Variants in ZNF182 observed in about 807,000 individuals in gnomAD.
ZNF182 encodes zinc finger protein 21 (KOX 14).
A neutral mutation model predicts 28.1 loss-of-function variants in ZNF182; 10 were observed. That is an observed-to-expected ratio of 0.36 (90% CI 0.22 to 0.60). The LOEUF (loss-of-function observed/expected upper bound fraction) is 0.60, where lower values mean the gene tolerates loss of function less well. Among genes scored for constraint, ZNF182 ranks in the 20% least tolerant of loss-of-function variants. ZNF182 has a pLI of 0.75. For synonymous variants in ZNF182, 156 were observed against 158.7 expected, an observed-to-expected ratio of 0.98 and a Z score of 0.13; for missense variants, 352 against 453.2, an observed-to-expected ratio of 0.78 and a Z score of 2.03.
At chrX:47,982,803 G>A (rs1273145286) in intron 5 of ZNF182, 146 bp downstream of exon 5, 1 of 490,352 alleles carries the variant, frequency 2.0e-6, no homozygotes, top group Non-Finnish European at 3.4e-6. Context: ...TTTTGTGTCT[G>A]AGGTGTTCAT....
intron 3 of ZNF182, among the ~76,000 whole-genome samples, chrX:47,991,664 C>A (rs1193988796): frequency 9.0e-6 from 1 of 111,402 alleles, no homozygotes; most frequent in Non-Finnish European, 1.9e-5. Flanking sequence ...AACTATAAAC[C>A]CTGAAAGTGA....
chrX:47,991,212 CCTCT>C (rs782252769), intron 3 of ZNF182, among the ~76,000 whole-genome samples: 1 of 108,922 alleles, frequency 9.2e-6, no homozygotes, highest in Non-Finnish European at 1.9e-5. Flanking sequence ...ACCAGAGGTC[CCTCT>C]CTCTCTCTCT....
intron 5 of ZNF182, among the ~76,000 whole-genome samples, chrX:47,981,233 C>A (rs1232691027): frequency 8.9e-6 from 1 of 111,743 alleles, no homozygotes; most frequent in African/African-American, 3.3e-5. Flanking sequence ...GAAGAAATCA[C>A]CAATTCTAGG....
chrX:47,995,088 T>C (rs1556900929), intron 3 of ZNF182, among the ~76,000 whole-genome samples: 2 of 109,106 alleles, frequency 1.8e-5, no homozygotes, highest in Non-Finnish European at 1.9e-5. Context: ...TCCCAGCACT[T>C]TGGGAGGCTG....
Position 47,977,618 on chromosome X carries a change from G to A in ZNF182, c.412C>T (p.Pro138Ser). The A allele has an allele frequency of 8.3e-7, 1 of 1,209,787 alleles. No homozygotes were observed. The change falls in exon 6 of 6, where the codon CCC becomes TCC. Residue 138 changes from proline (P) to serine (S), a missense_variant. By Grantham distance (74) the Pro-to-Ser change is moderately conservative. Transcript: ENST00000376943. ...TTTCCAAATGATTCGTGTTTATCGGGTCTTTGTATTGAAGCAACAAGGTTT... is the reference window on the plus strand; with the variant it reads ...TTTCCAAATGATTCGTGTTTATCGGATCTTTGTATTGAAGCAACAAGGTTT... ...STNLVASIQRPDKHESFGNNM... is the reference protein window; with the variant it reads ...STNLVASIQRSDKHESFGNNM...
At chrX:47,986,786 A>G (rs1214901270) in intron 3 of ZNF182, among the ~76,000 whole-genome samples, 3 of 111,767 alleles carry the variant, frequency 2.7e-5, no homozygotes, top group Non-Finnish European at 3.8e-5. Context: ...CGGGCAGAAG[A>G]AGGTAGGAGG....
At position 47,983,228 on chromosome X, in the gene ZNF182, C is replaced by T. The variant is rs1022474963; in HGVS notation, c.142+57G>A. 16 of 1,198,980 alleles carry T rather than the reference C, an allele frequency of 1.3e-5. No homozygotes were observed. The East Asian group carries it at 3.0e-4, about 22-fold the overall frequency. ...AAGAGGGAACTGAGAAAGGAAATGC[C>T]TTCCATTGGATGCAATAATCATAAA... On this transcript the variant is annotated intron_variant, in intron 4 of 5. Transcript: ENST00000376943.
chrX:47,996,132 AT>A (rs2058957763), intron 3 of ZNF182, among the ~76,000 whole-genome samples: 1 of 112,477 alleles, frequency 8.9e-6, no homozygotes, highest in African/African-American at 3.2e-5. Flanking sequence ...TTTAAAATAC[AT>A]TTGACAGTTG....
intron 3 of ZNF182, among the ~76,000 whole-genome samples, chrX:48,001,546 G>A (rs1464333855): frequency 1.8e-5 from 2 of 111,839 alleles, no homozygotes; most frequent in African/African-American, 6.5e-5. Context: ...GGGTATGGGG[G>A]AGGAAGGGCA....
chrX:47,977,312 C>T lies in ZNF182; in HGVS notation c.718G>A (p.Glu240Lys), dbSNP rs1556898381. 8.3e-7 allele frequency: 1 copy of T among 1,209,296 alleles called. No individual in the cohort carries two copies. The highest frequency in any genetic ancestry group is 3.0e-5 in the East Asian group (1 of 33,796). Residue 240 changes from glutamate (E) to lysine (K), a missense_variant, in exon 6 of 6, where the codon GAG becomes AAG. Glu to Lys is a moderately conservative substitution (Grantham distance 56). Coordinates refer to ENST00000376943, the MANE Select transcript of ZNF182 (RefSeq NM_001007088.2). ...LIVHWRTHTGEKPFGCTECGK... is the reference protein window; with the variant it reads ...LIVHWRTHTGKKPFGCTECGK... The stretch of plus-strand genomic sequence containing the variant: ...CATTCGGTACATCCAAAAGGTTTCT[C>T]TCCCGTATGAGTTCTCCAATGTACA...
At position 48,002,673 on chromosome X, in the gene ZNF182, G is replaced by A. The variant is rs1471899318; in HGVS notation, c.-44-20C>T. ...GCCGAGCTGGAACAAGTGGAGAAGA[G>A]TACAGCAGATGAGGAGACCCCATCA... On this transcript the variant is annotated intron_variant, in intron 2 of 5. Transcript: ENST00000376943. The A allele has an allele frequency of 3.4e-6, 4 of 1,183,089 alleles. No individual in the cohort carries two copies. The highest frequency in any genetic ancestry group is 3.5e-5 in the African/African-American group (2 of 57,301).
At chrX:48,002,487 AT>A (rs1556902011) in intron 3 of ZNF182, 107 bp downstream of exon 3, 2 of 1,098,952 alleles carry the variant, frequency 1.8e-6, no homozygotes, top group Admixed American at 5.0e-5. Context: ...ATTTTGCCTG[AT>A]CCAATCCTTA....
chrX:47,976,383 T>C lies in ZNF182; in HGVS notation c.1647A>G (p.Lys549=). 1 of 1,210,722 alleles carries C rather than the reference T, an allele frequency of 8.3e-7. No individual in the cohort carries two copies. Among genetic ancestry groups the C allele is most frequent in the Non-Finnish European group, 1.1e-6 (1 of 895,210 alleles). Residue 549 remains lysine, a synonymous_variant, in exon 6 of 6, where the codon AAA becomes AAG. Transcript: ENST00000376943. ...TGCCACACTCAGTGCATGCATAGGG[T>C]TTCTCTCCCGTGTGCGTTCTCTGAT... The part of the protein sequence containing the change: ...IIHQRTHTGE[K]PYACTECGKA...
At chrX:48,002,889 AT>A (rs2146478039) in intron 2 of ZNF182, among the ~76,000 whole-genome samples, 1 of 112,592 alleles carries the variant, frequency 8.9e-6, no homozygotes, top group South Asian at 3.6e-4. Flanking sequence ...CATAAAGTGT[AT>A]TTGTAGGTAT....
intron 5 of ZNF182, among the ~76,000 whole-genome samples, chrX:47,982,493 T>G (rs1395466741): frequency 3.6e-5 from 4 of 112,308 alleles, no homozygotes; most frequent in African/African-American, 1.3e-4. Context: ...AAAGCTACTT[T>G]TAAAAAATAG....
chrX:47,991,663 C>T (rs1256171351), intron 3 of ZNF182, among the ~76,000 whole-genome samples: 3 of 111,472 alleles, frequency 2.7e-5, no homozygotes, highest in Non-Finnish European at 5.7e-5. Flanking sequence ...CAACTATAAA[C>T]CCTGAAAGTG....
At chrX:47,983,452 T>C in intron 3 of ZNF182, 41 bp from the exon 4 acceptor site, 1 of 1,158,307 alleles carries the variant, frequency 8.6e-7, no homozygotes, top group Non-Finnish European at 1.2e-6. Flanking sequence ...TGCTGACCAC[T>C]AGATGATGAG....
intron 3 of ZNF182, among the ~76,000 whole-genome samples, chrX:47,994,406 A>C (rs1414797821): frequency 8.9e-6 from 1 of 112,031 alleles, no homozygotes; most frequent in African/African-American, 3.2e-5. Flanking sequence ...AAATGCCTAA[A>C]GGAAGTTCTT....
chrX:48,002,426 T>C (rs1310741093), intron 3 of ZNF182, 169 bp downstream of exon 3: 3 of 660,377 alleles, frequency 4.5e-6, no homozygotes, highest in Non-Finnish European at 7.2e-6. Context: ...TGTTACACCC[T>C]GAGTCCTGCA....
Sources: gnomAD v4.1 joint callset for allele counts (sites outside exome capture counted in the v4.1 genomes callset) on GRCh38, gnomAD v4.1.1 for gene constraint, MANE v1.5 for transcripts, NCBI Gene and HGNC (gene_info 2026-07-23, HGNC 2026-07-21) for gene names.